Variants in SIVA1 observed in about 807,000 individuals in gnomAD.
The protein encoded by SIVA1 is SIVA1 apoptosis inducing factor.
Under a neutral mutation model 19.7 loss-of-function variants are expected in SIVA1, and 10 were observed. The observed-to-expected ratio is 0.51, with a 90% CI of 0.31 to 0.86. The LOEUF (loss-of-function observed/expected upper bound fraction) is 0.86. Ranked by LOEUF, SIVA1 falls within the 40% of genes least tolerant of loss-of-function variation. The probability of loss-of-function intolerance (pLI) is 0.04; values close to 1 mark genes in which losing one functional copy is unlikely to be tolerated. For missense variants in SIVA1, 241 were observed against 245.2 expected (o/e 0.98, Z 0.11); for synonymous variants, 130 against 106.1 (o/e 1.23, Z -1.39).
chr14:104,753,896 C>T (rs1451064252), intron 1 of SIVA1: 2 of 381,170 alleles, frequency 5.2e-6, no homozygotes, highest in Non-Finnish European at 1.1e-5. Flanking sequence ...CAGGTTTGTG[C>T]AGGCGCACCT....
chr14:104,759,552 G>A lies in SIVA1; in HGVS notation c.*67G>A, dbSNP rs903671280. Reference sequence around the variant, plus strand: ...GCATGGCAGCCTTCCCTGGACGAGCGCTCGGTGTTCACACTGAACTGTGGG... The same window carrying A: ...GCATGGCAGCCTTCCCTGGACGAGCACTCGGTGTTCACACTGAACTGTGGG... On this transcript the variant is annotated 3_prime_UTR_variant, in exon 4 of 4. Transcript: ENST00000329967. The surrounding 1 kb of genome is among the most constrained non-coding windows in gnomAD (Gnocchi z 4.2). 35 of 1,383,934 alleles carry A rather than the reference G, an allele frequency of 2.5e-5. No individual in the cohort carries two copies. In the African/African-American group the frequency reaches 3.4e-4, roughly 13 times the overall value. 85.7% of individuals were successfully genotyped at this position (1,383,934 alleles called of 1,614,324 possible). A position where few individuals can be genotyped will look rare whatever the true frequency, so the allele number is the denominator to read the frequency against.
rs201543559 is a variant in SIVA1 at position 104,756,611 on chromosome 14, T to G, written c.321T>G (p.Ser107=). The change falls in exon 3 of 4, where the codon TCT becomes TCG. Residue 107 remains serine, a synonymous_variant. Coordinates refer to ENST00000329967, the MANE Select transcript of SIVA1 (RefSeq NM_006427.4). ...SLGQASEADP[S]GVASIACSSC... ...GGCGTTTCTTCCTCACAGACCCATC[T>G]GGGGTAGCGTCCATTGCCTGTTCCT... is the stretch of plus-strand genomic sequence containing the variant. The G allele has an allele frequency of 9.4e-5, 151 of 1,614,096 alleles. 2 individuals are homozygous for G. The highest frequency in any genetic ancestry group is 1.2e-4 in the Admixed American group (7 of 60,008).
In SIVA1 at chr14:104,753,270, G is replaced by C. The variant is rs1189559433; in HGVS notation, c.69G>C (p.Arg23Ser). 1 of 1,601,916 alleles carries C rather than the reference G, an allele frequency of 6.2e-7. No individual in the cohort carries two copies. Among genetic ancestry groups the C allele is most frequent in the East Asian group, 2.3e-5 (1 of 43,796 alleles). Residue 23 changes from arginine (R) to serine (S), a missense_variant, in exon 1 of 4, where the codon AGG (arginine) becomes AGC (serine). Physicochemically the swap from Arg to Ser is moderately radical, Grantham distance 110 (BLOSUM62 -1). Transcript: ENST00000329967. ...AGCTCAAGGTCCGCGTGAGCCAGAG[G>C]GAGTTGAGCCGCGGCGTGTGCGCCG... Reference protein sequence around the residue: ...PLQLKVRVSQRELSRGVCAER... With the variant: ...PLQLKVRVSQSELSRGVCAER...
chr14:104,758,577 C>T (rs2140863928), intron 3 of SIVA1: 1 of 151,860 alleles, frequency 6.6e-6, no homozygotes, highest in South Asian at 2.1e-4. Context: ...GCAACTTCCA[C>T]CTCCTGTGTT....
intron 1 of SIVA1, among the ~76,000 whole-genome samples, chr14:104,754,891 T>C (rs964020350): frequency 1.3e-5 from 2 of 152,214 alleles, no homozygotes; most frequent in Non-Finnish European, 2.9e-5. Flanking sequence ...TAGAGCCACA[T>C]AGAGTTTCTG....
chr14:104,756,877 G>T (rs1174227920), intron 3 of SIVA1, 117 bp downstream of exon 3: 21 of 1,187,488 alleles, frequency 1.8e-5, no homozygotes, highest in African/African-American at 3.1e-5. Context: ...CTGATGCAGT[G>T]CCATCTGGCA....
intron 1 of SIVA1, among the ~76,000 whole-genome samples, chr14:104,754,262 G>A (rs1891812194): frequency 6.6e-6 from 1 of 152,162 alleles, no homozygotes; most frequent in African/African-American, 2.4e-5. Flanking sequence ...GGATGACCCG[G>A]GGTGTGTGAT....
intron 3 of SIVA1, chr14:104,757,029 T>A (rs1298152940): frequency 5.8e-6 from 3 of 520,306 alleles, no homozygotes; most frequent in Non-Finnish European, 1.0e-5. Context: ...CCTGTTCTGA[T>A]CTTTGAGCAC....
At chr14:104,756,133 T>G in intron 2 of SIVA1, 1 of 511,928 alleles carries the variant, frequency 2.0e-6, no homozygotes, top group East Asian at 3.9e-5. Flanking sequence ...CCCATCCCTA[T>G]GCAGTGTGGG....
At position 104,759,318 on chromosome 14, in the gene SIVA1, T is replaced by C. The variant is rs533827115; in HGVS notation, c.471-110T>C. The stretch of plus-strand genomic sequence containing the variant: ...GTGATCCTGTCTCCAGATAAGGTCA[T>C]GTCCTGAGGTGTTCTGGGTTAGGAC... On this transcript the variant is annotated intron_variant, in intron 3 of 3. Transcript: ENST00000329967. The surrounding 1 kb of genome is among the most constrained non-coding windows in gnomAD (Gnocchi z 4.2). 3.6e-5 allele frequency: 30 copies of C among 826,338 alleles called. No individual in the cohort carries two copies. Among genetic ancestry groups the C allele is most frequent in the Non-Finnish European group, 5.3e-5 (27 of 511,216 alleles). The allele number at this position is 826,338 out of a possible 1,614,324, so 51.2% of individuals were successfully genotyped here.
At chr14:104,755,376 T>G (rs1441486596) in intron 1 of SIVA1, among the ~76,000 whole-genome samples, 1 of 151,862 alleles carries the variant, frequency 6.6e-6, no homozygotes, top group African/African-American at 2.4e-5. Flanking sequence ...CAGACACAGG[T>G]GGGGCTGCAG....
At chr14:104,753,654 G>T in intron 1 of SIVA1, 1 of 444,984 alleles carries the variant, frequency 2.2e-6, no homozygotes, top group African/African-American at 2.0e-5. Context: ...GGACTGTCCC[G>T]TGCAGGATGT....
At chr14:104,754,106 C>T (rs1228526948) in intron 1 of SIVA1, among the ~76,000 whole-genome samples, 3 of 152,154 alleles carry the variant, frequency 2.0e-5, no homozygotes, top group African/African-American at 7.2e-5. Flanking sequence ...CAGGCCTTCT[C>T]TGGCTTTCTC....
In SIVA1 at chr14:104,757,617, G is replaced by A. The variant is rs1891940675; in HGVS notation, c.470+857G>A. 3 of 155,694 alleles carry A rather than the reference G, an allele frequency of 1.9e-5. No homozygotes were observed. The Admixed American group carries it at 1.9e-4, about 10-fold the overall frequency. 9.6% of individuals were successfully genotyped at this position (155,694 alleles called of 1,614,324 possible). A position where few individuals can be genotyped will look rare whatever the true frequency, so the allele number is the denominator to read the frequency against. ...TGGGGTAACGCACCCCATCCAGGTT[G>A]GGAATCATCTGCAGGGCTAGCTATG... On this transcript the variant is annotated intron_variant, in intron 3 of 3. Transcript: ENST00000329967.
rs2140865296 is a variant in SIVA1, at chr14:104,759,360, TG to T, written c.471-62del. ...GGTTAGGACTTTGACGTTTGAATGG[TG>T]GGGGGTGGTGGACACAATTCAGCCC... On this transcript the variant is annotated intron_variant, in intron 3 of 3. Coordinates refer to ENST00000329967, the MANE Select transcript of SIVA1 (RefSeq NM_006427.4). This position sits in a 1 kb window ranked among gnomAD's most constrained non-coding sequence, Gnocchi z 4.2. 10 of 1,351,548 alleles carry T rather than the reference TG, an allele frequency of 7.4e-6. No individual in the cohort carries two copies. The highest frequency in any genetic ancestry group is 1.0e-5 in the Non-Finnish European group (10 of 957,318). The allele number at this position is 1,351,548 out of a possible 1,614,324, so 83.7% of individuals were successfully genotyped here. A position where few individuals can be genotyped will look rare whatever the true frequency, so the allele number is the denominator to read the frequency against.
At chr14:104,754,916 A>C (rs748221807) in intron 1 of SIVA1, among the ~76,000 whole-genome samples, 2 of 152,160 alleles carry the variant, frequency 1.3e-5, no homozygotes, top group Admixed American at 6.5e-5. Context: ...CTCTGCCTTT[A>C]CTGTGTTATG....
intron 2 of SIVA1, 86 bp from the exon 3 acceptor site, chr14:104,756,518 C>G: frequency 6.6e-7 from 1 of 1,511,042 alleles, no homozygotes; most frequent in African/African-American, 1.4e-5. Flanking sequence ...CCTCTGCCCT[C>G]AGGTATGCAT....
chr14:104,754,251 A>T (rs1041723500), intron 1 of SIVA1, among the ~76,000 whole-genome samples: 4 of 152,138 alleles, frequency 2.6e-5, no homozygotes, highest in African/African-American at 4.8e-5. Context: ...GAGCAGTTAG[A>T]GGATGACCCG....
chr14:104,758,568 C>G (rs1197206888), intron 3 of SIVA1: 5 of 150,276 alleles, frequency 3.3e-5, no homozygotes, highest in African/African-American at 1.2e-4. Context: ...TGGCTCACTG[C>G]AACTTCCACC....
Sources: allele counts gnomAD v4.1 joint callset (sites outside exome capture counted in the v4.1 genomes callset), GRCh38; gene constraint gnomAD v4.1.1; non-coding constraint Gnocchi (gnomAD v3.1); transcripts MANE v1.5; gene names NCBI Gene and HGNC (gene_info 2026-07-23, HGNC 2026-07-21).